CACNG3: variants seen among roughly 807,000 people sequenced by gnomAD.
CACNG3 encodes voltage-dependent calcium channel gamma-3 subunit.
CACNG3 carries 3 observed loss-of-function variants against 28.5 expected under a neutral mutation model. That is an observed-to-expected ratio of 0.11 (90% CI 0.05 to 0.27). The LOEUF is 0.27. CACNG3 is among the 10% of genes least tolerant of loss of function. CACNG3 has a pLI of 1.00. For synonymous variants in CACNG3, 174 were observed against 162.2 expected (o/e 1.07, Z -0.55); for missense variants, 236 against 414.4 (o/e 0.57, Z 3.74).
At chr16:24,322,713 G>A (rs1163604332) in intron 1 of CACNG3, among the ~76,000 whole-genome samples, 3 of 152,018 alleles carry the variant, frequency 2.0e-5, no homozygotes, top group Non-Finnish European at 4.4e-5. Flanking sequence ...GTTCCTTAAA[G>A]TAACTTTCTC....
In CACNG3 at chr16:24,256,777, T is replaced by A. The variant is rs1198163064; in HGVS notation, c.23T>A (p.Ile8Asn). 6 of 1,612,908 alleles carry A rather than the reference T, an allele frequency of 3.7e-6. No homozygotes were observed. Among genetic ancestry groups the A allele is most frequent in the Non-Finnish European group, 5.1e-6 (6 of 1,178,856 alleles). ...ATTATGAGGATGTGTGACAGAGGTA[T>A]CCAGATGTTGATCACCACTGTAGGA... The part of the protein sequence containing the change: MRMCDRG[I>N]QMLITTVGAF... Residue 8 changes from isoleucine to asparagine, a missense_variant, in exon 1 of 4, where the codon ATC becomes AAC. Coordinates refer to ENST00000005284, the MANE Select transcript of CACNG3 (RefSeq NM_006539.4). This position sits in a 1 kb window ranked among gnomAD's most constrained non-coding sequence, Gnocchi z 4.6.
rs1277908363 is a variant in CACNG3 at position 24,361,546 on chromosome 16, T to A, written c.631T>A (p.Ser211Thr). ...AAAACATCAGCAGTTACGAGCCAAA[T>A]CCCACTCGGAGTTCCTGAAGAAATC... is the stretch of plus-strand genomic sequence containing the variant. The part of the protein sequence containing the change: ...IEKHQQLRAK[S>T]HSEFLKKSTF... Residue 211 changes from serine (S) to threonine (T), a missense_variant, in exon 4 of 4, where the codon TCC (serine) becomes ACC (threonine). By Grantham distance (58) the Ser-to-Thr change is moderately conservative. Transcript: ENST00000005284. The surrounding 1 kb of genome is among the most constrained non-coding windows in gnomAD (Gnocchi z 6.8). 1 of 1,613,914 alleles carries A rather than the reference T, an allele frequency of 6.2e-7. No individual in the cohort carries two copies. Among genetic ancestry groups the A allele is most frequent in the Non-Finnish European group, 8.5e-7 (1 of 1,179,976 alleles).
At chr16:24,258,757 A>G (rs1898501340) in intron 1 of CACNG3, among the ~76,000 whole-genome samples, 1 of 152,224 alleles carries the variant, frequency 6.6e-6, no homozygotes, top group Non-Finnish European at 1.5e-5. Flanking sequence ...AGAAGTTCTA[A>G]GGTTCCTCCA....
chr16:24,257,990 A>G (rs1336862804), intron 1 of CACNG3, among the ~76,000 whole-genome samples: 1 of 152,138 alleles, frequency 6.6e-6, no homozygotes. Context: ...TGCCTGAGGG[A>G]AGTCACTGGA....
intron 1 of CACNG3, among the ~76,000 whole-genome samples, chr16:24,334,475 C>A (rs989549479): frequency 6.6e-6 from 1 of 152,168 alleles, no homozygotes; most frequent in African/African-American, 2.4e-5. Context: ...GCCCCAGGAC[C>A]CTCCGTGTGG....
At chr16:24,309,510 T>A (rs1277903455) in intron 1 of CACNG3, among the ~76,000 whole-genome samples, 1 of 152,176 alleles carries the variant, frequency 6.6e-6, no homozygotes, top group East Asian at 1.9e-4. Flanking sequence ...ACATGACTCA[T>A]TTGTCTTGGT....
intron 1 of CACNG3, among the ~76,000 whole-genome samples, chr16:24,274,112 C>T (rs1347812059): frequency 4.0e-5 from 6 of 148,596 alleles, no homozygotes; most frequent in Admixed American, 3.4e-4. Context: ...GCTTGAACCT[C>T]GGAGGCGGAG....
chr16:24,320,817 C>A (rs988048416), intron 1 of CACNG3, among the ~76,000 whole-genome samples: 1 of 152,164 alleles, frequency 6.6e-6, no homozygotes, highest in Admixed American at 6.5e-5. Context: ...GCAGTCTCAA[C>A]CCTTTAGACA....
At chr16:24,321,818 T>C (rs1899463362) in intron 1 of CACNG3, among the ~76,000 whole-genome samples, 1 of 152,242 alleles carries the variant, frequency 6.6e-6, no homozygotes. Flanking sequence ...TTCATGATGA[T>C]ATACTGCTAT....
intron 1 of CACNG3, among the ~76,000 whole-genome samples, chr16:24,285,050 C>G (rs1220424098): frequency 1.3e-5 from 2 of 151,336 alleles, no homozygotes; most frequent in Non-Finnish European, 2.9e-5. Flanking sequence ...CAGAGTGTGA[C>G]CTCACCTCAG....
chr16:24,282,193 T>C (rs1378015982), intron 1 of CACNG3, among the ~76,000 whole-genome samples: 1 of 151,598 alleles, frequency 6.6e-6, no homozygotes, highest in Non-Finnish European at 1.5e-5. Flanking sequence ...GAAATGGAGG[T>C]TCAGGTTGAG....
rs193117321 is a variant in CACNG3, at chr16:24,274,101, C to T, written c.211+17136C>T. ...ACTCTGAAGGCTGAGGCAAGAGAATCGCTTGAACCTCGGAGGCGGAGGTTG... is the reference window on the plus strand; with the variant it reads ...ACTCTGAAGGCTGAGGCAAGAGAATTGCTTGAACCTCGGAGGCGGAGGTTG... On this transcript the variant is annotated intron_variant, in intron 1 of 3. Transcript: ENST00000005284. Among the ~76,000 whole-genome samples the T allele has an allele frequency of 1.4e-3, 218 of 151,104 alleles. 1 individual carries two copies. The highest frequency in any genetic ancestry group is 4.4e-3 in the South Asian group (21 of 4,754).
At chr16:24,313,457 T>C (rs1284839892) in intron 1 of CACNG3, among the ~76,000 whole-genome samples, 2 of 152,158 alleles carry the variant, frequency 1.3e-5, no homozygotes, top group African/African-American at 4.8e-5. Flanking sequence ...TCGGCACTTT[T>C]ATGTTTTTGA....
intron 1 of CACNG3, among the ~76,000 whole-genome samples, chr16:24,315,200 C>T (rs4787983): frequency 0.31 from 46,824 of 152,088 alleles, 8,152 homozygotes; most frequent in South Asian, 0.46. Context: ...ACCTGAGGGC[C>T]GGGCCATAGT....
intron 1 of CACNG3, among the ~76,000 whole-genome samples, chr16:24,343,314 AGAT>A (rs1416317038): frequency 6.6e-6 from 1 of 152,174 alleles, no homozygotes; most frequent in Non-Finnish European, 1.5e-5. Flanking sequence ...TTTCACAAGC[AGAT>A]GCCCACGTGT....
chr16:24,348,136 A>C (rs549992002), intron 2 of CACNG3, among the ~76,000 whole-genome samples: 2 of 152,272 alleles, frequency 1.3e-5, no homozygotes, highest in Non-Finnish European at 2.9e-5. Context: ...AATGGCTCAC[A>C]CCTGTAATCT....
intron 1 of CACNG3, among the ~76,000 whole-genome samples, chr16:24,294,183 T>C (rs959520703): frequency 1.3e-5 from 2 of 152,238 alleles, no homozygotes; most frequent in African/African-American, 4.8e-5. Flanking sequence ...CTTTTGCTTA[T>C]CTGCAAACTC....
At chr16:24,309,102 C>T (rs1398635740) in intron 1 of CACNG3, among the ~76,000 whole-genome samples, 1 of 152,110 alleles carries the variant, frequency 6.6e-6, no homozygotes, top group Non-Finnish European at 1.5e-5. Flanking sequence ...GCGGCTGGCT[C>T]TGAGTGCAGG....
At chr16:24,341,757 T>G (rs1283424411) in intron 1 of CACNG3, among the ~76,000 whole-genome samples, 1 of 152,142 alleles carries the variant, frequency 6.6e-6, no homozygotes, top group Non-Finnish European at 1.5e-5. Context: ...GTTCGGGGGT[T>G]GCAAACTCAA....
Sources: allele counts gnomAD v4.1 joint callset (sites outside exome capture counted in the v4.1 genomes callset), GRCh38; gene constraint gnomAD v4.1.1; non-coding constraint Gnocchi (gnomAD v3.1); transcripts MANE v1.5; gene names NCBI Gene and HGNC (gene_info 2026-07-23, HGNC 2026-07-21).